TRIM42: variants seen among roughly 807,000 people sequenced by gnomAD.
TRIM42 encodes tripartite motif-containing protein 42.
TRIM42 carries 59 observed loss-of-function variants against 64.9 expected under a neutral mutation model. The observed-to-expected ratio is 0.91, with a 90% confidence interval of 0.74 to 1.13. TRIM42 has a LOEUF of 1.13. Ranked by LOEUF, TRIM42 falls within the 50% of genes most tolerant of loss-of-function variation. The pLI is 0.00. For missense variants in TRIM42, 878 were observed against 929.5 expected (o/e 0.94, Z 0.72); for synonymous variants, 354 against 346.3 (o/e 1.02, Z -0.25).
Position 140,688,400 on chromosome 3 carries a change from C to T in TRIM42, c.1718C>T (p.Thr573Ile). Reference protein sequence around the residue: ...TPAKPTDGLYTYWSAGADSQS... With the variant: ...TPAKPTDGLYIYWSAGADSQS... ...GCCAAACCCACAGACGGCCTCTACA[C>T]CTACTGGAGTGCTGGAGCAGACAGC... The change falls in exon 3 of 5, where the codon ACC becomes ATC. Residue 573 changes from threonine (T) to isoleucine (I), a missense_variant. By Grantham distance (89) the Thr-to-Ile change is moderately conservative. Transcript: ENST00000286349. 2.5e-6 allele frequency: 4 copies of T among 1,614,180 alleles called. No individual in the cohort carries two copies. Among genetic ancestry groups the T allele is most frequent in the Non-Finnish European group, 3.4e-6 (4 of 1,180,016 alleles).
At chr3:140,697,603 T>A (rs867584911) in intron 4 of TRIM42, among the ~76,000 whole-genome samples, 1 of 152,182 alleles carries the variant, frequency 6.6e-6, no homozygotes. Flanking sequence ...GTTTTCCCAA[T>A]ACCATCTACC....
At chr3:140,691,244 G>T in intron 4 of TRIM42, 52 bp downstream of exon 4, 3 of 1,427,500 alleles carry the variant, frequency 2.1e-6, no homozygotes, top group Non-Finnish European at 3.0e-6. Flanking sequence ...GGTAGGTTCT[G>T]GATGAGGCCC....
At chr3:140,689,141 C>T (rs1988642049) in intron 3 of TRIM42, among the ~76,000 whole-genome samples, 1 of 152,214 alleles carries the variant, frequency 6.6e-6, no homozygotes, top group Non-Finnish European at 1.5e-5. Context: ...CCTCAAGGGA[C>T]ATGACTTCCC....
At chr3:140,694,750 C>T (rs1193880815) in intron 4 of TRIM42, among the ~76,000 whole-genome samples, 3 of 152,180 alleles carry the variant, frequency 2.0e-5, no homozygotes, top group Admixed American at 6.5e-5. Flanking sequence ...AGGGAGAATA[C>T]ATTTCCTTGC....
intron 3 of TRIM42, among the ~76,000 whole-genome samples, chr3:140,690,121 A>T (rs1286937534): frequency 6.6e-6 from 1 of 152,246 alleles, no homozygotes; most frequent in Non-Finnish European, 1.5e-5. Context: ...AATGGACTTC[A>T]TACAGGAATC....
intron 4 of TRIM42, among the ~76,000 whole-genome samples, chr3:140,694,302 T>C (rs1426764045): frequency 6.6e-6 from 1 of 152,236 alleles, no homozygotes; most frequent in Non-Finnish European, 1.5e-5. Flanking sequence ...TCCATGAGGA[T>C]AGGTGTTGGT....
At chr3:140,694,191 G>A (rs1409818770) in intron 4 of TRIM42, among the ~76,000 whole-genome samples, 4 of 152,158 alleles carry the variant, frequency 2.6e-5, no homozygotes, top group African/African-American at 9.7e-5. Context: ...AGCAGGGAGA[G>A]CTGAACTTTT....
In TRIM42 at chr3:140,688,551, G is replaced by T. The variant is rs762609588; in HGVS notation, c.1860+9G>T. 6 of 1,593,070 alleles carry T rather than the reference G, an allele frequency of 3.8e-6. No individual in the cohort carries two copies. The highest frequency in any genetic ancestry group is 5.1e-6 in the Non-Finnish European group (6 of 1,169,010). On this transcript the variant is annotated intron_variant, in intron 3 of 4. Coordinates refer to ENST00000286349, the MANE Select transcript of TRIM42 (RefSeq NM_152616.5). ...ACCCAAGAGCTGCCAAGGTAAGAAA[G>T]GTTCTGGGCCCAGTGGGGAAGTGGG...
chr3:140,680,625 C>T (rs1988363813), intron 1 of TRIM42: 6 of 964,634 alleles, frequency 6.2e-6, no homozygotes, highest in African/African-American at 1.8e-5. Flanking sequence ...AAAGTCCATC[C>T]AGGCACTACA....
Position 140,687,862 on chromosome 3 carries a change from A to G in TRIM42, c.1180A>G (p.Ile394Val). ...RSILQEKEKI[I>V]MEQIENLEVS... ...CATTCTTCAGGAGAAAGAGAAGATC[A>G]TCATGGAGCAGATAGAGAATCTAGA... The change falls in exon 3 of 5, where the codon ATC (isoleucine) becomes GTC (valine). Residue 394 changes from isoleucine to valine, a missense_variant. Coordinates refer to ENST00000286349, the MANE Select transcript of TRIM42 (RefSeq NM_152616.5). 6.2e-7 allele frequency: 1 copy of G among 1,614,258 alleles called. No homozygotes were observed. The highest frequency in any genetic ancestry group is 2.2e-5 in the East Asian group (1 of 44,888).
chr3:140,684,286 T>C (rs1385187355), intron 2 of TRIM42, among the ~76,000 whole-genome samples: 3 of 152,184 alleles, frequency 2.0e-5, no homozygotes, highest in Non-Finnish European at 4.4e-5. Flanking sequence ...ACAATATTCA[T>C]TTGACAATCT....
chr3:140,688,159 G>A lies in TRIM42; in HGVS notation c.1477G>A (p.Gly493Arg). 6.2e-7 allele frequency: 1 copy of A among 1,614,172 alleles called. No individual in the cohort carries two copies. The highest frequency in any genetic ancestry group is 8.5e-7 in the Non-Finnish European group (1 of 1,180,052). Reference sequence around the variant, plus strand: ...TGCCATCCATGAGCTCTTCCCCACAGGGCCCAAGAAGGTACGCTCCTCAGG... The same window carrying A: ...TGCCATCCATGAGCTCTTCCCCACAAGGCCCAAGAAGGTACGCTCCTCAGG... ...SSAIHELFPT[G>R]PKKVRSSGDS... The change falls in exon 3 of 5, where the codon GGG becomes AGG. Residue 493 changes from glycine to arginine, a missense_variant. Physicochemically the swap from Gly to Arg is moderately radical, Grantham distance 125. Coordinates refer to ENST00000286349, the MANE Select transcript of TRIM42 (RefSeq NM_152616.5).
intron 3 of TRIM42, among the ~76,000 whole-genome samples, chr3:140,689,096 G>T (rs1208583614): frequency 6.6e-6 from 1 of 152,206 alleles, no homozygotes; most frequent in Non-Finnish European, 1.5e-5. Context: ...GAAGAGTGGG[G>T]TCTGTCACAG....
rs1465022168 is a variant in TRIM42 at position 140,682,410 on chromosome 3, A to G, written c.342-52A>G. On this transcript the variant is annotated intron_variant, in intron 1 of 4. Transcript: ENST00000286349. The stretch of plus-strand genomic sequence containing the variant: ...AGTTCTTTCAGAGGTAGAGAAGCAG[A>G]GCAAGCTCTTGAGCCTGCCTCCTGA... 13 of 1,536,288 alleles carry G rather than the reference A, an allele frequency of 8.5e-6. No individual in the cohort carries two copies. In the Admixed American group the frequency reaches 1.9e-4, roughly 23 times the overall value.
chr3:140,700,219 G>C (rs1336840129), intron 4 of TRIM42, among the ~76,000 whole-genome samples: 1 of 152,110 alleles, frequency 6.6e-6, no homozygotes, highest in African/African-American at 2.4e-5. Flanking sequence ...TTTCTAGGAG[G>C]GTTCTTCTTA....
At chr3:140,688,587 GCA>G in intron 3 of TRIM42, 45 bp downstream of exon 3, 1 of 1,502,246 alleles carries the variant, frequency 6.7e-7, no homozygotes, top group Non-Finnish European at 9.1e-7. Flanking sequence ...AGGGTGTGGG[GCA>G]CAGAGTAGAA....
intron 4 of TRIM42, among the ~76,000 whole-genome samples, chr3:140,693,728 G>A (rs555319663): frequency 2.0e-4 from 31 of 152,260 alleles, no homozygotes; most frequent in Non-Finnish European, 3.2e-4. Context: ...TCTATCACAC[G>A]TATTTTTGTT....
At chr3:140,696,324 GT>G (rs1464423011) in intron 4 of TRIM42, among the ~76,000 whole-genome samples, 1 of 152,052 alleles carries the variant, frequency 6.6e-6, no homozygotes, top group Non-Finnish European at 1.5e-5. Context: ...TAAATGCTGT[GT>G]TTTTATGATC....
In TRIM42 at chr3:140,688,150, T is replaced by C. The variant is rs759631693; in HGVS notation, c.1468T>C (p.Phe490Leu). The change falls in exon 3 of 5, where the codon TTC becomes CTC. Residue 490 changes from phenylalanine to leucine, a missense_variant. Physicochemically the swap from Phe to Leu is conservative, Grantham distance 22. Transcript: ENST00000286349. ...VELSSAIHEL[F>L]PTGPKKVRSS... The stretch of plus-strand genomic sequence containing the variant: ...GCTTTCCAGTGCCATCCATGAGCTC[T>C]TCCCCACAGGGCCCAAGAAGGTACG... The C allele has an allele frequency of 1.2e-6, 2 of 1,613,690 alleles. No homozygotes were observed. The highest frequency in any genetic ancestry group is 2.2e-5 in the South Asian group (2 of 91,078).
Sources: allele counts gnomAD v4.1 joint callset (sites outside exome capture counted in the v4.1 genomes callset), GRCh38; gene constraint gnomAD v4.1.1; transcripts MANE v1.5; gene names NCBI Gene and HGNC (gene_info 2026-07-23, HGNC 2026-07-21).